RIMS2: variants seen among roughly 807,000 people sequenced by gnomAD.
RIMS2 encodes the protein regulating synaptic membrane exocytosis 2.
RIMS2 carries 59 observed loss-of-function variants against 174.4 expected under a neutral mutation model. That is an observed-to-expected ratio of 0.34 (90% CI 0.27 to 0.42). The LOEUF (loss-of-function observed/expected upper bound fraction) is 0.42. Ranked by LOEUF, RIMS2 falls within the 10% of genes least tolerant of loss-of-function variation. RIMS2 has a pLI of 1.00. For synonymous variants in RIMS2, 606 were observed against 572.5 expected, an observed-to-expected ratio of 1.06 and a Z score of -0.84; for missense variants, 1,620 against 1,666.3, an observed-to-expected ratio of 0.97 and a Z score of 0.48.
intron 16 of RIMS2, among the ~76,000 whole-genome samples, chr8:103,980,103 T>C (rs1241278862): frequency 6.6e-6 from 1 of 152,148 alleles, no homozygotes; most frequent in Non-Finnish European, 1.5e-5. Flanking sequence ...CCAGCTGGCA[T>C]GGCTAAAGGA....
chr8:103,902,321 C>G (rs2073320108), intron 4 of RIMS2, among the ~76,000 whole-genome samples: 1 of 152,156 alleles, frequency 6.6e-6, no homozygotes, highest in Non-Finnish European at 1.5e-5. Flanking sequence ...AAGGCAAAGT[C>G]TTATGAAACT....
intron 19 of RIMS2, among the ~76,000 whole-genome samples, chr8:104,134,570 T>C (rs1464312022): frequency 6.6e-6 from 1 of 152,210 alleles, no homozygotes; most frequent in Non-Finnish European, 1.5e-5. Context: ...CAACTTTAAT[T>C]ATTCAGTCAG....
intron 19 of RIMS2, among the ~76,000 whole-genome samples, chr8:104,032,764 A>G (rs1037845112): frequency 2.6e-5 from 4 of 152,016 alleles, no homozygotes; most frequent in Non-Finnish European, 5.9e-5. Flanking sequence ...TCATTATTTC[A>G]TGTTACAGCT....
chr8:103,939,836 T>A (rs577364214), intron 13 of RIMS2, among the ~76,000 whole-genome samples: 1 of 152,240 alleles, frequency 6.6e-6, no homozygotes, highest in South Asian at 2.1e-4. Flanking sequence ...AGGGCAGGGG[T>A]AAAGTGCCAC....
intron 1 of RIMS2, among the ~76,000 whole-genome samples, chr8:103,513,342 T>C (rs1319374048): frequency 6.6e-6 from 1 of 152,214 alleles, no homozygotes; most frequent in East Asian, 1.9e-4. Context: ...AGAAGTTAGT[T>C]AACTTCCTGC....
intron 19 of RIMS2, among the ~76,000 whole-genome samples, chr8:104,143,145 A>G (rs1191602686): frequency 6.6e-6 from 1 of 152,246 alleles, no homozygotes; most frequent in Non-Finnish European, 1.5e-5. Context: ...AGACTATGTC[A>G]TATCATTTTT....
At chr8:103,734,719 C>T (rs2097662332) in intron 2 of RIMS2, among the ~76,000 whole-genome samples, 1 of 152,022 alleles carries the variant, frequency 6.6e-6, no homozygotes, top group African/African-American at 2.4e-5. Flanking sequence ...CAAAGTCTAG[C>T]ATGTCTGAAG....
chr8:104,025,176 T>C (rs2096222250), intron 19 of RIMS2, among the ~76,000 whole-genome samples: 1 of 152,166 alleles, frequency 6.6e-6, no homozygotes. Context: ...CTTGGTATGT[T>C]AAAATTGCTT....
intron 15 of RIMS2, among the ~76,000 whole-genome samples, chr8:103,972,562 C>T (rs2092997732): frequency 6.6e-6 from 1 of 152,128 alleles, no homozygotes; most frequent in Non-Finnish European, 1.5e-5. Flanking sequence ...ACATAATCTT[C>T]CCCCTTCCCT....
chr8:103,554,300 G>T (rs982754581), intron 1 of RIMS2, among the ~76,000 whole-genome samples: 7 of 152,236 alleles, frequency 4.6e-5, no homozygotes, highest in East Asian at 1.9e-4. Flanking sequence ...ATCCAGCAAA[G>T]GTCTACTATC....
intron 1 of RIMS2, among the ~76,000 whole-genome samples, chr8:103,502,302 T>C (rs1382433848): frequency 6.6e-6 from 1 of 152,182 alleles, no homozygotes; most frequent in Non-Finnish European, 1.5e-5. Flanking sequence ...ACAGGTTTCA[T>C]TGTCAATAGG....
chr8:103,975,198 G>A, intron 15 of RIMS2, 152 bp from the exon 18 acceptor site: 4 of 460,126 alleles, frequency 8.7e-6, no homozygotes, highest in South Asian at 4.9e-5. Context: ...AAAATATTTT[G>A]TCTTAATATC....
intron 3 of RIMS2, among the ~76,000 whole-genome samples, chr8:103,773,152 AT>A (rs202136082): frequency 0.036 from 5,453 of 152,212 alleles, 128 homozygotes; most frequent in Non-Finnish European, 0.052. Flanking sequence ...GAAAAAAAAA[AT>A]CCACAACAAA....
At chr8:104,175,137 C>T (rs556487546) in intron 19 of RIMS2, among the ~76,000 whole-genome samples, 1 of 152,254 alleles carries the variant, frequency 6.6e-6, no homozygotes, top group South Asian at 2.1e-4. Flanking sequence ...CTTTGAAGAG[C>T]TGCCATTTTC....
At chr8:103,898,578 A>C (rs2099306632) in intron 4 of RIMS2, among the ~76,000 whole-genome samples, 2 of 151,514 alleles carry the variant, frequency 1.3e-5, no homozygotes, top group South Asian at 4.1e-4. Flanking sequence ...TTTAGAGGGC[A>C]GACTGTTGAA....
At chr8:104,117,390 C>CTT (rs879749283) in intron 19 of RIMS2, among the ~76,000 whole-genome samples, 1 of 143,072 alleles carries the variant, frequency 7.0e-6, no homozygotes, top group African/African-American at 2.6e-5. Context: ...AATAAATTTC[C>CTT]TTTTTTTTTT....
intron 1 of RIMS2, among the ~76,000 whole-genome samples, chr8:103,684,418 T>C (rs1198999802): frequency 2.0e-5 from 3 of 152,128 alleles, no homozygotes; most frequent in Non-Finnish European, 4.4e-5. Flanking sequence ...GTTTATGATA[T>C]TTTGTAATTG....
intron 1 of RIMS2, among the ~76,000 whole-genome samples, chr8:103,545,567 A>G (rs547584597): frequency 3.7e-4 from 57 of 152,188 alleles, no homozygotes; most frequent in Non-Finnish European, 6.8e-4. Context: ...ACTAATATAC[A>G]TAGACGTCAG....
intron 19 of RIMS2, among the ~76,000 whole-genome samples, chr8:104,216,587 A>G (rs574979432): frequency 1.3e-5 from 2 of 152,346 alleles, no homozygotes; most frequent in Admixed American, 1.3e-4. Context: ...CTTGAGCAAG[A>G]GACATCCTCA....
Sources: gnomAD v4.1 joint callset for allele counts (sites outside exome capture counted in the v4.1 genomes callset) on GRCh38, gnomAD v4.1.1 for gene constraint, MANE v1.5 for transcripts, NCBI Gene and HGNC (gene_info 2026-07-23, HGNC 2026-07-21) for gene names.